Variants in PUM1 observed in about 807,000 individuals in gnomAD.
PUM1 encodes pumilio RNA binding family member 1.
PUM1 carries 13 observed loss-of-function variants against 131.8 expected under a neutral mutation model. The observed-to-expected ratio is 0.10, with a 90% CI of 0.06 to 0.16. The LOEUF is 0.16. Ranked by LOEUF, PUM1 falls within the 10% of genes least tolerant of loss-of-function variation. PUM1 has a pLI of 1.00. For synonymous variants in PUM1, 509 were observed against 556.5 expected (o/e 0.91, Z 1.20); for missense variants, 961 against 1,512.4 (o/e 0.64, Z 6.05).
intron 7 of PUM1, among the ~76,000 whole-genome samples, chr1:30,987,629 G>C (rs1005871409): frequency 2.6e-5 from 4 of 152,198 alleles, no homozygotes; most frequent in African/African-American, 9.7e-5. Flanking sequence ...GCTCACAGCT[G>C]TTTTCCAGGA....
At chr1:30,976,297 C>A (rs536712208) in intron 9 of PUM1, among the ~76,000 whole-genome samples, 1 of 152,170 alleles carries the variant, frequency 6.6e-6, no homozygotes, top group East Asian at 1.9e-4. Context: ...GACACATTTG[C>A]TAACCAGGAA....
At chr1:30,961,618 G>T (rs775632850) in intron 14 of PUM1, among the ~76,000 whole-genome samples, 2 of 151,992 alleles carry the variant, frequency 1.3e-5, no homozygotes, top group African/African-American at 4.8e-5. Context: ...CACTCAATAA[G>T]TGATTTTTAA....
intron 7 of PUM1, among the ~76,000 whole-genome samples, chr1:30,987,195 A>ATTT (rs35752234): frequency 4.3e-5 from 6 of 140,910 alleles, no homozygotes; most frequent in Admixed American, 7.1e-5. Flanking sequence ...CTAGTAACAA[A>ATTT]TTTTTTTTTT....
chr1:30,944,402 C>A (rs1298829012), intron 18 of PUM1, among the ~76,000 whole-genome samples: 1 of 151,606 alleles, frequency 6.6e-6, no homozygotes, highest in Non-Finnish European at 1.5e-5. Context: ...TGGAAAAAAA[C>A]AAAACAAACA....
chr1:31,030,386 A>G (rs1180098750), intron 2 of PUM1, among the ~76,000 whole-genome samples: 2 of 152,098 alleles, frequency 1.3e-5, no homozygotes, highest in South Asian at 2.1e-4. Flanking sequence ...GTTAGGGCCA[A>G]GCAATGGAGA....
intron 7 of PUM1, among the ~76,000 whole-genome samples, chr1:30,989,725 A>G (rs1341178464): frequency 6.6e-6 from 1 of 152,108 alleles, no homozygotes; most frequent in Non-Finnish European, 1.5e-5. Context: ...TCCATGCACA[A>G]TTTAAATGAT....
intron 5 of PUM1, among the ~76,000 whole-genome samples, chr1:30,999,629 A>G: frequency 6.8e-6 from 1 of 147,998 alleles, no homozygotes; most frequent in African/African-American, 2.5e-5. Flanking sequence ...AAAAAAAAAA[A>G]AAAAAAAAAA....
At chr1:30,969,991 C>T (rs1444948716) in intron 10 of PUM1, among the ~76,000 whole-genome samples, 2 of 152,062 alleles carry the variant, frequency 1.3e-5, no homozygotes, top group Admixed American at 1.3e-4. Flanking sequence ...TAATGAAACA[C>T]AGACATCAAA....
intron 1 of PUM1, among the ~76,000 whole-genome samples, chr1:31,060,004 G>A (rs1171307931): frequency 2.0e-5 from 3 of 149,958 alleles, no homozygotes; most frequent in South Asian, 2.1e-4. Flanking sequence ...CCACCACCAC[G>A]GGTGGCTAAT....
intron 16 of PUM1, among the ~76,000 whole-genome samples, chr1:30,951,355 G>A (rs1281466911): frequency 6.6e-6 from 1 of 152,208 alleles, no homozygotes; most frequent in Non-Finnish European, 1.5e-5. Flanking sequence ...GTCCAAAGCT[G>A]AAGAATTCAG....
Position 31,007,092 on chromosome 1 carries a change from G to A in PUM1, c.443C>T (p.Pro148Leu), listed in dbSNP as rs1642421870. The change falls in exon 4 of 22, where the codon CCA (proline) becomes CTA (leucine). Residue 148 changes from proline (P) to leucine (L), a missense_variant. By Grantham distance (98) the Pro-to-Leu change is moderately conservative. Coordinates refer to ENST00000426105, the MANE Select transcript of PUM1 (RefSeq NM_001020658.2). ...EGRAMGEQLL[P>L]GKKFWETDES... The stretch of plus-strand genomic sequence containing the variant: ...ATCTGTTTCCCAAAACTTTTTACCT[G>A]GCAAGAGCTGCTGCAAATTAAAAAT... The A allele has an allele frequency of 3.7e-6, 6 of 1,612,308 alleles. No homozygotes were observed. The highest frequency in any genetic ancestry group is 4.2e-6 in the Non-Finnish European group (5 of 1,178,562).
chr1:31,062,184 A>G (rs182887233), intron 1 of PUM1, among the ~76,000 whole-genome samples: 23 of 152,292 alleles, frequency 1.5e-4, no homozygotes, highest in Admixed American at 3.9e-4. Flanking sequence ...ACTCAACAAT[A>G]TGTCTCATTT....
At chr1:30,962,091 G>C (rs545098513) in intron 14 of PUM1, among the ~76,000 whole-genome samples, 1 of 152,328 alleles carries the variant, frequency 6.6e-6, no homozygotes, top group South Asian at 2.1e-4. Flanking sequence ...CTGAGACAAA[G>C]AGTTCCTCAG....
At chr1:30,941,925 G>A (rs766349825) in intron 19 of PUM1, 73 bp downstream of exon 19, 1 of 1,386,974 alleles carries the variant, frequency 7.2e-7, no homozygotes, top group South Asian at 1.1e-5. Flanking sequence ...AACCTACACT[G>A]ACAAAACACA....
intron 10 of PUM1, 75 bp downstream of exon 10, chr1:30,974,576 G>A: frequency 7.2e-7 from 1 of 1,385,334 alleles, no homozygotes. Flanking sequence ...TTTTCTATTA[G>A]GCGCAATATT....
At chr1:30,961,361 A>G (rs2124432001) in intron 14 of PUM1, among the ~76,000 whole-genome samples, 1 of 151,760 alleles carries the variant, frequency 6.6e-6, no homozygotes, top group East Asian at 1.9e-4. Context: ...AAAAAAAAAA[A>G]AAAATTATTT....
chr1:30,934,984 C>T (rs1302455313), intron 21 of PUM1, among the ~76,000 whole-genome samples: 1 of 152,150 alleles, frequency 6.6e-6, no homozygotes, highest in Non-Finnish European at 1.5e-5. Context: ...GAGGGCTTCT[C>T]AGGACTCTCC....
intron 2 of PUM1, among the ~76,000 whole-genome samples, chr1:31,030,221 A>T (rs1643375949): frequency 6.6e-6 from 1 of 152,024 alleles, no homozygotes; most frequent in African/African-American, 2.4e-5. Flanking sequence ...AAAAAAACAA[A>T]ACAAAAAAAA....
intron 2 of PUM1, among the ~76,000 whole-genome samples, chr1:31,056,258 A>G (rs1034635463): frequency 1.3e-5 from 2 of 152,080 alleles, no homozygotes; most frequent in African/African-American, 4.8e-5. Context: ...GCATATCTTC[A>G]TCCCAAAGAA....
Sources: allele counts gnomAD v4.1 joint callset (sites outside exome capture counted in the v4.1 genomes callset), GRCh38; gene constraint gnomAD v4.1.1; transcripts MANE v1.5; gene names NCBI Gene and HGNC (gene_info 2026-07-23, HGNC 2026-07-21).